The following CUL2 variants were observed in gnomAD, a reference collection of about 807,000 sequenced individuals.
CUL2 encodes the protein cullin 2.
In CUL2, 22 loss-of-function variants were observed where a neutral mutation model predicts 110.2. The ratio of observed to expected loss-of-function variants is 0.20; its 90% CI spans 0.14 to 0.28. CUL2 has a LOEUF of 0.28. Among genes scored for constraint, CUL2 ranks in the 10% least tolerant of loss-of-function variants. The probability of loss-of-function intolerance (pLI) is 1.00; values close to 1 mark genes in which losing one functional copy is unlikely to be tolerated. For synonymous variants in CUL2, 279 were observed against 293.2 expected (o/e 0.95, Z 0.49); for missense variants, 631 against 905.5 (o/e 0.70, Z 3.89).
intron 1 of CUL2, among the ~76,000 whole-genome samples, chr10:35,123,009 A>G (rs556758773): frequency 3.9e-5 from 6 of 152,280 alleles, no homozygotes; most frequent in African/African-American, 1.2e-4. Context: ...ATGGTGGTGC[A>G]CACCTGTAGT....
chr10:35,014,990 T>C (rs2084990389), intron 18 of CUL2, among the ~76,000 whole-genome samples: 1 of 152,066 alleles, frequency 6.6e-6, no homozygotes, highest in Non-Finnish European at 1.5e-5. Context: ...TAATTAACCT[T>C]AAGAAATCCC....
Position 35,025,217 on chromosome 10 carries a change from AACAC to A in CUL2, c.1618-23_1618-20del, listed in dbSNP as rs772148074. 6.5e-7 allele frequency: 1 copy of A among 1,536,750 alleles called. No homozygotes were observed. Among genetic ancestry groups the A allele is most frequent in the African/African-American group, 1.5e-5 (1 of 64,838 alleles). On this transcript the variant is annotated intron_variant, in intron 16 of 20. Transcript: ENST00000374749. ...ATTCAAACTGTAAAAAAAAAAAAAA[AACAC>A]ACATTATTTTTAGCTACTATAACTT...
chr10:35,076,531 C>T (rs930580472), intron 1 of CUL2, among the ~76,000 whole-genome samples: 2 of 152,088 alleles, frequency 1.3e-5, no homozygotes, highest in African/African-American at 4.8e-5. Context: ...GGTCATTTAG[C>T]ATAAAATTCT....
At chr10:35,106,100 C>T (rs2087451892) in intron 1 of CUL2, among the ~76,000 whole-genome samples, 1 of 152,060 alleles carries the variant, frequency 6.6e-6, no homozygotes, top group African/African-American at 2.4e-5. Context: ...TAGTACAGGG[C>T]TTTGGGAGGT....
intron 8 of CUL2, among the ~76,000 whole-genome samples, chr10:35,041,022 G>C (rs910358731): frequency 6.6e-6 from 1 of 152,194 alleles, no homozygotes; most frequent in Non-Finnish European, 1.5e-5. Flanking sequence ...GTTCCTAACA[G>C]GCCACAGGTC....
In CUL2 at chr10:35,010,124, T is replaced by C. The variant is rs2084863155; in HGVS notation, c.*187A>G. The C allele has an allele frequency of 7.7e-6, 3 of 391,724 alleles. No individual in the cohort carries two copies. The highest frequency in any genetic ancestry group is 2.1e-5 in the African/African-American group (1 of 48,074). The allele number at this position is 391,724 out of a possible 1,614,324, so 24.3% of individuals were successfully genotyped here. On this transcript the variant is annotated 3_prime_UTR_variant, in exon 21 of 21. Coordinates refer to ENST00000374749, the MANE Select transcript of CUL2 (RefSeq NM_003591.4). Reference sequence around the variant, plus strand: ...AGTTTTAAGAAATGTCATAATGACATGAGCTTGAAATATCTCTAGGCATTT... The same window carrying C: ...AGTTTTAAGAAATGTCATAATGACACGAGCTTGAAATATCTCTAGGCATTT...
intron 2 of CUL2, among the ~76,000 whole-genome samples, chr10:35,097,291 G>A (rs759248766): frequency 6.6e-6 from 1 of 152,016 alleles, no homozygotes; most frequent in African/African-American, 2.4e-5. Context: ...ATGCATCTGT[G>A]CCTTGGATTT....
intron 2 of CUL2, among the ~76,000 whole-genome samples, chr10:35,095,990 G>A (rs1439369060): frequency 6.6e-6 from 1 of 152,298 alleles, no homozygotes; most frequent in East Asian, 1.9e-4. Context: ...GGCTTAGCCT[G>A]TAATCCCAGC....
chr10:35,058,820 T>C (rs1024923863), intron 4 of CUL2, among the ~76,000 whole-genome samples: 2 of 152,160 alleles, frequency 1.3e-5, no homozygotes, highest in African/African-American at 4.8e-5. Context: ...CACAGATGCA[T>C]CTGTGCCTTG....
intron 6 of CUL2, 114 bp downstream of exon 6, chr10:35,049,569 T>C: frequency 8.7e-6 from 6 of 691,682 alleles, no homozygotes; most frequent in Non-Finnish European, 1.4e-5. Context: ...ATGAGGCTCA[T>C]TACAGTAAAA....
intron 2 of CUL2, chr10:35,098,152 C>A: frequency 6.6e-6 from 1 of 151,914 alleles, no homozygotes; most frequent in East Asian, 1.9e-4. Flanking sequence ...AAAAAGTATT[C>A]TTTTTTAATA....
intron 1 of CUL2, among the ~76,000 whole-genome samples, chr10:35,073,911 T>C (rs904277325): frequency 1.6e-4 from 24 of 152,172 alleles, no homozygotes; most frequent in Admixed American, 7.9e-4. Flanking sequence ...TGACCTGTTC[T>C]CCCCATTTTC....
intron 1 of CUL2, chr10:35,074,391 C>A: frequency 1.6e-6 from 1 of 640,730 alleles, no homozygotes; most frequent in Non-Finnish European, 2.8e-6. Context: ...CTGATTCATA[C>A]ACTTGCCTTT....
At chr10:35,039,294 T>C (rs1312444419) in intron 8 of CUL2, among the ~76,000 whole-genome samples, 2 of 152,246 alleles carry the variant, frequency 1.3e-5, no homozygotes, top group Non-Finnish European at 2.9e-5. Context: ...ACCAGTCTTA[T>C]AAGCAAGAAC....
At position 35,105,686 on chromosome 10, in the gene CUL2, C is replaced by T. The variant is rs568431823; in HGVS notation, c.-50-4626G>A. ...TCACGCCATTGCACTCCAGCCTGGGCGACAGAGCGAGACTCTGTCTCAAAA... is the reference window on the plus strand; with the variant it reads ...TCACGCCATTGCACTCCAGCCTGGGTGACAGAGCGAGACTCTGTCTCAAAA... On this transcript the variant is annotated intron_variant, in intron 1 of 5. Transcript: ENST00000685421. Among the ~76,000 whole-genome samples the T allele has an allele frequency of 2.1e-4, 32 of 149,760 alleles. No homozygotes were observed. In the East Asian group the frequency reaches 2.7e-3, roughly 13 times the overall value.
chr10:35,033,047 A>G (rs2085517642), intron 11 of CUL2, 119 bp downstream of exon 11: 1 of 466,858 alleles, frequency 2.1e-6, no homozygotes, highest in Non-Finnish European at 3.7e-6. Flanking sequence ...TTTCATATCA[A>G]AATTACTTAA....
chr10:35,118,521 T>C (rs1024076870), intron 1 of CUL2: 8 of 152,364 alleles, frequency 5.3e-5, no homozygotes, highest in Admixed American at 3.3e-4. Flanking sequence ...TTGTTTGTGC[T>C]TTGTGTTTCC....
At chr10:35,072,525 T>C (rs539218371) in intron 1 of CUL2, among the ~76,000 whole-genome samples, 22 of 152,176 alleles carry the variant, frequency 1.4e-4, no homozygotes, top group African/African-American at 5.3e-4. Context: ...CCCGCCACCA[T>C]GCCCGGCTCA....
intron 6 of CUL2, among the ~76,000 whole-genome samples, chr10:35,048,583 A>G (rs1236642375): frequency 6.6e-6 from 1 of 152,238 alleles, no homozygotes; most frequent in Non-Finnish European, 1.5e-5. Flanking sequence ...TTATATTAGA[A>G]CTTAGAAGTT....
Sources: gnomAD v4.1 joint callset for allele counts (sites outside exome capture counted in the v4.1 genomes callset) on GRCh38, gnomAD v4.1.1 for gene constraint, MANE v1.5 for transcripts, NCBI Gene and HGNC (gene_info 2026-07-23, HGNC 2026-07-21) for gene names.